The following ADK variants were observed in gnomAD, a reference collection of about 807,000 sequenced individuals.
ADK encodes adenosine kinase, also known as N6,N6-dimethyladenosine kinase.
ADK carries 24 observed loss-of-function variants against 44.7 expected under a neutral mutation model. The ratio of observed to expected loss-of-function variants is 0.54; its 90% CI spans 0.39 to 0.76. The LOEUF is 0.76. ADK is among the 30% of genes least tolerant of loss of function. The pLI, the probability that ADK is intolerant of heterozygous loss-of-function variation, is 0.00. For missense variants in ADK, 321 were observed against 425.1 expected (o/e 0.76, Z 2.15); for synonymous variants, 128 against 142.6 (o/e 0.90, Z 0.73).
chr10:74,347,964 A>G (rs2131894856), intron 4 of ADK, among the ~76,000 whole-genome samples: 1 of 152,222 alleles, frequency 6.6e-6, no homozygotes, highest in East Asian at 1.9e-4. Context: ...AGAGCACCTG[A>G]GGGAAGGGGC....
chr10:74,708,236 T>TATATGAGAA, intron 10 of ADK, 85 bp from the exon 11 acceptor site: 1 of 1,442,802 alleles, frequency 6.9e-7, no homozygotes, highest in Admixed American at 1.7e-5. Flanking sequence ...AGACAGGTGC[T>TATATGAGAA]TAGATCATAT....
At chr10:74,628,126 T>A (rs773770001) in intron 9 of ADK, among the ~76,000 whole-genome samples, 1 of 152,204 alleles carries the variant, frequency 6.6e-6, no homozygotes, top group Non-Finnish European at 1.5e-5. Flanking sequence ...CCATTGACAG[T>A]TGTGACATTT....
At chr10:74,225,266 T>C (rs2132247202) in intron 3 of ADK, among the ~76,000 whole-genome samples, 1 of 152,112 alleles carries the variant, frequency 6.6e-6, no homozygotes, top group Admixed American at 6.5e-5. Flanking sequence ...TAAGTAGAGA[T>C]GGGGTTTTGC....
At chr10:74,265,694 T>C (rs1846189614) in intron 3 of ADK, among the ~76,000 whole-genome samples, 1 of 152,254 alleles carries the variant, frequency 6.6e-6, no homozygotes. Context: ...ATTTTCACTT[T>C]TAATGCCATT....
intron 8 of ADK, among the ~76,000 whole-genome samples, chr10:74,598,569 C>A (rs1852011047): frequency 6.6e-6 from 1 of 150,846 alleles, no homozygotes. Context: ...CCTGCCTCAG[C>A]CCTCCCAAGT....
At chr10:74,512,037 T>A (rs1318977035) in intron 6 of ADK, among the ~76,000 whole-genome samples, 4 of 152,206 alleles carry the variant, frequency 2.6e-5, no homozygotes, top group Non-Finnish European at 1.5e-5. Context: ...CAAAAGCATT[T>A]TCTGCTTTTC....
Position 74,525,174 on chromosome 10 carries a change from T to G in ADK, c.556-82T>G, listed in dbSNP as rs1293523241. The G allele has an allele frequency of 3.1e-5, 42 of 1,339,328 alleles. 1 individual carries two copies. Among genetic ancestry groups the G allele is most frequent in the Non-Finnish European group, 4.4e-5 (42 of 945,656 alleles). The allele number at this position is 1,339,328 out of a possible 1,614,324, so 83.0% of individuals were successfully genotyped here. A position where few individuals can be genotyped will look rare whatever the true frequency, so the allele number is the denominator to read the frequency against. On this transcript the variant is annotated intron_variant, in intron 6 of 10. Coordinates refer to ENST00000539909, the MANE Select transcript of ADK (RefSeq NM_006721.4). ...AATTGTATTTTATATACTTTTGTAT[T>G]TTGTATAGGTTTCTTTTATTCTCAC...
intron 4 of ADK, among the ~76,000 whole-genome samples, chr10:74,322,891 T>C (rs1840866012): frequency 6.6e-6 from 1 of 152,096 alleles, no homozygotes; most frequent in Admixed American, 6.5e-5. Context: ...TGTTAAGAAA[T>C]TGTTTTACTG....
intron 7 of ADK, among the ~76,000 whole-genome samples, chr10:74,550,783 C>T (rs1412544326): frequency 6.6e-6 from 1 of 152,144 alleles, no homozygotes; most frequent in East Asian, 1.9e-4. Context: ...TGATTTATAT[C>T]ATTTTACTTA....
At position 74,544,755 on chromosome 10, in the gene ADK, G is replaced by A. The variant is rs142732904; in HGVS notation, c.726+19329G>A. On this transcript the variant is annotated intron_variant, in intron 7 of 10. Transcript: ENST00000539909. Reference sequence around the variant, plus strand: ...CTGGGCGTGGTGATGCATGCTACTCGGGAGGCTGAGGCAGGAGAATCACTT... The same window carrying A: ...CTGGGCGTGGTGATGCATGCTACTCAGGAGGCTGAGGCAGGAGAATCACTT... 9.3e-4 allele frequency among the ~76,000 whole-genome samples: 142 copies of A among 152,040 alleles called. 1 individual carries two copies. In the East Asian group the frequency reaches 0.025, roughly 26 times the overall value.
chr10:74,167,535 C>T (rs2132048339), intron 1 of ADK, among the ~76,000 whole-genome samples: 1 of 152,260 alleles, frequency 6.6e-6, no homozygotes, highest in South Asian at 2.1e-4. Flanking sequence ...CTTAGGGTAA[C>T]TGGAGGCTTG....
At chr10:74,372,366 C>T (rs1340949356) in intron 4 of ADK, 1 of 740,878 alleles carries the variant, frequency 1.3e-6, no homozygotes. Context: ...GTCCACAGCT[C>T]CCAATGCTCA....
intron 2 of ADK, among the ~76,000 whole-genome samples, chr10:74,216,318 A>G (rs889490324): frequency 1.3e-5 from 2 of 152,312 alleles, no homozygotes; most frequent in Non-Finnish European, 2.9e-5. Flanking sequence ...TAAAATAACA[A>G]ATGTATTAAA....
At position 74,695,631 on chromosome 10, in the gene ADK, T is replaced by G. The variant is rs956684407; in HGVS notation, c.965-12690T>G. ...TGTGTATGTGTGGGGTGTGTGTGTG[T>G]GTGTGTGTGTGTGTGTGTGTGTGTG... On this transcript the variant is annotated intron_variant, in intron 10 of 10. Coordinates refer to ENST00000539909, the MANE Select transcript of ADK (RefSeq NM_006721.4). 4.6e-5 allele frequency among the ~76,000 whole-genome samples: 7 copies of G among 151,066 alleles called. No individual in the cohort carries two copies. The East Asian group carries it at 1.4e-3, about 30-fold the overall frequency.
intron 4 of ADK, among the ~76,000 whole-genome samples, chr10:74,328,544 T>G (rs113652436): frequency 6.6e-6 from 1 of 152,088 alleles, no homozygotes; most frequent in African/African-American, 2.4e-5. Flanking sequence ...AATCCCCACA[T>G]GTTGAGGGAG....
intron 6 of ADK, among the ~76,000 whole-genome samples, chr10:74,470,716 A>G (rs561229067): frequency 6.6e-5 from 10 of 151,560 alleles, no homozygotes; most frequent in African/African-American, 2.4e-4. Flanking sequence ...GTTTGTAACT[A>G]TTTTCTCTCA....
At chr10:74,446,463 C>T (rs1209905911) in intron 6 of ADK, among the ~76,000 whole-genome samples, 3 of 151,962 alleles carry the variant, frequency 2.0e-5, no homozygotes, top group South Asian at 2.1e-4. Flanking sequence ...TGAGAGACGA[C>T]GATAGGAAAG....
Position 74,555,349 on chromosome 10 carries a change from G to T in ADK, c.726+29923G>T, listed in dbSNP as rs1290107929. ...TGATTAAACTGATTAACTGTTTGTT[G>T]TTTTTTTTTATGTCATAGGTGTCAG... On this transcript the variant is annotated intron_variant, in intron 7 of 10. Coordinates refer to ENST00000539909, the MANE Select transcript of ADK (RefSeq NM_006721.4). 4.6e-5 allele frequency among the ~76,000 whole-genome samples: 7 copies of T among 151,364 alleles called. No individual in the cohort carries two copies. In the East Asian group the frequency reaches 9.7e-4, roughly 21 times the overall value.
chr10:74,528,299 T>TA (rs111437497), intron 7 of ADK: 4,938 of 211,172 alleles, frequency 0.023, 202 homozygotes, highest in African/African-American at 0.092. Flanking sequence ...TTTTAAAACT[T>TA]AAAAAAAAAG....
Sources: allele counts gnomAD v4.1 joint callset (sites outside exome capture counted in the v4.1 genomes callset), GRCh38; gene constraint gnomAD v4.1.1; transcripts MANE v1.5; gene names NCBI Gene and HGNC (gene_info 2026-07-23, HGNC 2026-07-21).